Variants in RPH3A observed in about 807,000 individuals in gnomAD.
RPH3A encodes rabphilin 3A.
In RPH3A, 48 loss-of-function variants were observed where a neutral mutation model predicts 102.2. The ratio of observed to expected loss-of-function variants is 0.47; its 90% CI spans 0.37 to 0.60. The LOEUF is 0.60. RPH3A is among the 20% of genes least tolerant of loss of function. The pLI, the probability that RPH3A is intolerant of heterozygous loss-of-function variation, is 0.00. For missense variants in RPH3A, 781 were observed against 910.1 expected, an observed-to-expected ratio of 0.86 and a Z score of 1.83; for synonymous variants, 310 against 324.3, an observed-to-expected ratio of 0.96 and a Z score of 0.47.
At chr12:112,633,677 C>T (rs1001995496) in intron 1 of RPH3A, among the ~76,000 whole-genome samples, 7 of 152,130 alleles carry the variant, frequency 4.6e-5, no homozygotes, top group Non-Finnish European at 1.0e-4. Flanking sequence ...TTATACATCA[C>T]CTAGTTTCAA....
intron 1 of RPH3A, among the ~76,000 whole-genome samples, chr12:112,781,215 A>AC (rs1363794560): frequency 6.9e-6 from 1 of 144,610 alleles, no homozygotes; most frequent in Non-Finnish European, 1.5e-5. Context: ...AACAACAACA[A>AC]AACAAAAAAA....
intron 1 of RPH3A, among the ~76,000 whole-genome samples, chr12:112,776,065 T>C (rs1312213000): frequency 1.3e-5 from 2 of 152,194 alleles, no homozygotes; most frequent in Non-Finnish European, 2.9e-5. Context: ...TGGCATAGGT[T>C]AGAAATGTAC....
intron 1 of RPH3A, among the ~76,000 whole-genome samples, chr12:112,608,535 G>A (rs1272537521): frequency 6.6e-6 from 1 of 152,176 alleles, no homozygotes; most frequent in Non-Finnish European, 1.5e-5. Flanking sequence ...TTAATTATTT[G>A]TTTCATTAAT....
intron 1 of RPH3A, among the ~76,000 whole-genome samples, chr12:112,692,049 T>A: frequency 6.6e-6 from 1 of 152,208 alleles, no homozygotes; most frequent in African/African-American, 2.4e-5. Flanking sequence ...CGGAGGGTAC[T>A]ATGTTAAGTG....
chr12:112,893,298 T>C (rs561925306), intron 19 of RPH3A: 2 of 152,362 alleles, frequency 1.3e-5, no homozygotes. Context: ...TTCCTCATTT[T>C]TGTCTCTTCT....
chr12:112,738,155 C>CT (rs1442641865), intron 1 of RPH3A, among the ~76,000 whole-genome samples: 4 of 151,692 alleles, frequency 2.6e-5, no homozygotes, highest in Non-Finnish European at 5.9e-5. Flanking sequence ...GTGTATATCT[C>CT]TGTGTGTTCA....
At chr12:112,785,484 T>C (rs770578993) in intron 1 of RPH3A, among the ~76,000 whole-genome samples, 3 of 152,140 alleles carry the variant, frequency 2.0e-5, no homozygotes, top group Non-Finnish European at 2.9e-5. Flanking sequence ...AACTTCATCT[T>C]TTGGATCTCA....
intron 3 of RPH3A, chr12:112,831,701 A>T: frequency 2.2e-6 from 1 of 445,492 alleles, no homozygotes; most frequent in Non-Finnish European, 4.5e-6. Flanking sequence ...GCTCTCTCAG[A>T]CTGTGTGTAT....
At chr12:112,812,008 C>T (rs953122452) in intron 2 of RPH3A, among the ~76,000 whole-genome samples, 1 of 151,584 alleles carries the variant, frequency 6.6e-6, no homozygotes, top group Non-Finnish European at 1.5e-5. Flanking sequence ...CCTGGTAGAA[C>T]CCACCAAGTC....
intron 2 of RPH3A, among the ~76,000 whole-genome samples, chr12:112,823,789 T>C (rs542086324): frequency 6.6e-6 from 1 of 152,322 alleles, no homozygotes; most frequent in Admixed American, 6.5e-5. Flanking sequence ...GGTTTGAGAA[T>C]GTCTGAGGTT....
In RPH3A at chr12:112,693,430, A is replaced by G. The variant is rs146485479; in HGVS notation, c.-139-98713A>G. 1.3e-3 allele frequency among the ~76,000 whole-genome samples: 195 copies of G among 152,292 alleles called. 2 individuals carry two copies. In the East Asian group the frequency reaches 0.018, roughly 14 times the overall value. ...TGATCTTTGGAACCTTTCTGATGCC[A>G]TTACTTACATTTTCATCCAACATCT... On this transcript the variant is annotated intron_variant, in intron 1 of 21. Coordinates refer to the RPH3A transcript ENST00000543106.
At chr12:112,825,138 G>T (rs1219695850) in intron 2 of RPH3A, among the ~76,000 whole-genome samples, 1 of 151,754 alleles carries the variant, frequency 6.6e-6, no homozygotes, top group East Asian at 1.9e-4. Context: ...CTCACCACAG[G>T]CAATAATGAG....
intron 2 of RPH3A, among the ~76,000 whole-genome samples, chr12:112,809,064 T>C (rs1165783842): frequency 6.6e-6 from 1 of 152,156 alleles, no homozygotes; most frequent in East Asian, 1.9e-4. Context: ...AACTAGGATG[T>C]GACTGTTCAC....
intron 1 of RPH3A, among the ~76,000 whole-genome samples, chr12:112,678,252 A>AG: frequency 2.1e-5 from 1 of 46,770 alleles, no homozygotes; most frequent in East Asian, 5.2e-4. Flanking sequence ...AAAGAAAGAA[A>AG]GAAAGAAAGA....
chr12:112,848,526 T>G (rs2042270025), intron 5 of RPH3A, among the ~76,000 whole-genome samples: 1 of 152,128 alleles, frequency 6.6e-6, no homozygotes, highest in Non-Finnish European at 1.5e-5. Context: ...GTTTGCTTAC[T>G]GGCAGAATGG....
chr12:112,691,968 A>C lies in RPH3A; in HGVS notation c.-139-100175A>C, dbSNP rs1417185792. Among the ~76,000 whole-genome samples the C allele has an allele frequency of 4.6e-5, 7 of 152,182 alleles. No individual in the cohort carries two copies. In the East Asian group the frequency reaches 1.3e-3, roughly 29 times the overall value. On this transcript the variant is annotated intron_variant, in intron 1 of 21. Coordinates refer to the RPH3A transcript ENST00000543106. ...TGGATTTTTAAAAAATGTGTTATAT[A>C]TACACCGTGGAATACTACTCAGCCA...
intron 1 of RPH3A, among the ~76,000 whole-genome samples, chr12:112,662,946 G>T (rs923463237): frequency 2.0e-5 from 3 of 151,820 alleles, no homozygotes; most frequent in Non-Finnish European, 4.4e-5. Context: ...AAAATTTGTG[G>T]TGAAGAAGTA....
At chr12:112,740,256 G>C (rs555082320) in intron 1 of RPH3A, among the ~76,000 whole-genome samples, 1 of 152,214 alleles carries the variant, frequency 6.6e-6, no homozygotes, top group Admixed American at 6.5e-5. Context: ...TCAGTTTCTG[G>C]CATATAATAA....
At chr12:112,610,264 AG>A (rs1343967224) in intron 1 of RPH3A, among the ~76,000 whole-genome samples, 1 of 152,130 alleles carries the variant, frequency 6.6e-6, no homozygotes. Flanking sequence ...GCACTTTGGG[AG>A]GCCAAGCGAG....
Sources: gnomAD v4.1 joint callset for allele counts (sites outside exome capture counted in the v4.1 genomes callset) on GRCh38, gnomAD v4.1.1 for gene constraint, MANE v1.5 for transcripts, NCBI Gene and HGNC (gene_info 2026-07-23, HGNC 2026-07-21) for gene names.